Variants in HSDL1 observed in about 807,000 individuals in gnomAD.
The protein encoded by HSDL1 is inactive hydroxysteroid dehydrogenase-like protein 1.
A neutral mutation model predicts 31.5 loss-of-function variants in HSDL1; 29 were observed. The ratio of observed to expected loss-of-function variants is 0.92; its 90% CI spans 0.69 to 1.26. The LOEUF is 1.26. HSDL1 is among the 50% of genes most tolerant of loss of function. HSDL1 has a pLI of 0.00. For synonymous variants in HSDL1, 222 were observed against 155.2 expected (o/e 1.43, Z -3.20); for missense variants, 503 against 416.6 (o/e 1.21, Z -1.81).
chr16:84,124,318 T>C lies in HSDL1; in HGVS notation c.*312A>G. 1 of 184,636 alleles carries C rather than the reference T, an allele frequency of 5.4e-6. No individual in the cohort carries two copies. The highest frequency in any genetic ancestry group is 1.1e-5 in the Non-Finnish European group (1 of 87,662). The allele number at this position is 184,636 out of a possible 1,614,324, so 11.4% of individuals were successfully genotyped here. On this transcript the variant is annotated 3_prime_UTR_variant, in exon 6 of 6. Coordinates refer to ENST00000219439, the MANE Select transcript of HSDL1 (RefSeq NM_031463.5). ...AATTATAAGACCTGACAAATCATAT[T>C]ATATTTCAATATTAGACTGCTGTGG... is the stretch of plus-strand genomic sequence containing the variant.
chr16:84,142,437 T>TC (rs2086777248), intron 1 of HSDL1, among the ~76,000 whole-genome samples: 1 of 131,752 alleles, frequency 7.6e-6, no homozygotes, highest in Non-Finnish European at 1.6e-5. Context: ...CATCTTTTTT[T>TC]TTTTTTTTTT....
chr16:84,144,698 G>A (rs2086822460), intron 1 of HSDL1, among the ~76,000 whole-genome samples: 1 of 151,970 alleles, frequency 6.6e-6, no homozygotes, highest in Non-Finnish European at 1.5e-5. Flanking sequence ...TGCAGGGAGG[G>A]CAGGGCATGC....
chr16:84,127,771 T>C (rs2086623675), intron 5 of HSDL1, among the ~76,000 whole-genome samples: 1 of 144,794 alleles, frequency 6.9e-6, no homozygotes, highest in Non-Finnish European at 1.5e-5. Context: ...CAGGCTGGAG[T>C]GCAGTGGTGT....
rs958110897 is a variant in HSDL1, at chr16:84,130,130, T to C, written c.522A>G (p.Ile174Met). The change falls in exon 4 of 6, where the codon ATA becomes ATG. Residue 174 changes from isoleucine to methionine, a missense_variant. By Grantham distance (10) the Ile-to-Met change is conservative. Coordinates refer to ENST00000219439, the MANE Select transcript of HSDL1 (RefSeq NM_031463.5). Reference protein sequence around the residue: ...QLSEDKLWDIINVNIAAASLM... With the variant: ...QLSEDKLWDIMNVNIAAASLM... ...AACTAGCGGCGGCAATGTTCACATT[T>C]ATGATGTCCCAGAGCTTGTCCTCGG... is the stretch of plus-strand genomic sequence containing the variant. 3 of 1,614,074 alleles carry C rather than the reference T, an allele frequency of 1.9e-6. No homozygotes were observed. The highest frequency in any genetic ancestry group is 2.5e-6 in the Non-Finnish European group (3 of 1,180,054).
chr16:84,128,406 C>T (rs1018608628), intron 5 of HSDL1, among the ~76,000 whole-genome samples: 1 of 152,092 alleles, frequency 6.6e-6, no homozygotes, highest in Non-Finnish European at 1.5e-5. Context: ...ATCACAATTT[C>T]AAATATCTAA....
intron 1 of HSDL1, among the ~76,000 whole-genome samples, chr16:84,139,692 A>G (rs1325680738): frequency 1.3e-5 from 2 of 152,178 alleles, no homozygotes; most frequent in Non-Finnish European, 2.9e-5. Flanking sequence ...TTCAGCTTTC[A>G]GGACAGCGAA....
chr16:84,124,737 G>A lies in HSDL1; in HGVS notation c.895-9C>T. 6.2e-7 allele frequency: 1 copy of A among 1,601,240 alleles called. No homozygotes were observed. Among genetic ancestry groups the A allele is most frequent in the Non-Finnish European group, 8.6e-7 (1 of 1,168,702 alleles). On this transcript the variant is annotated splice_polypyrimidine_tract_variant and intron_variant, in intron 5 of 5. Coordinates refer to ENST00000219439, the MANE Select transcript of HSDL1 (RefSeq NM_031463.5). ...TACTGTGCAAAAAGAAACTAAAAAT[G>A]AAAGAGAAAAAGGTTGTAAGGTTAG... is the stretch of plus-strand genomic sequence containing the variant.
At chr16:84,134,160 C>T (rs765690559) in intron 2 of HSDL1, among the ~76,000 whole-genome samples, 1 of 152,078 alleles carries the variant, frequency 6.6e-6, no homozygotes, top group Non-Finnish European at 1.5e-5. Context: ...TCCAGATCTG[C>T]ATGAGAGGAA....
intron 3 of HSDL1, among the ~76,000 whole-genome samples, chr16:84,130,806 C>T (rs544056258): frequency 6.6e-6 from 1 of 152,222 alleles, no homozygotes; most frequent in East Asian, 1.9e-4. Context: ...AGTGGCAACA[C>T]TTTCAAGACA....
At position 84,122,727 on chromosome 16, in the gene HSDL1, A is replaced by G. The variant is rs2086566402; in HGVS notation, c.*1903T>C. The G allele has an allele frequency of 6.6e-6, 1 of 152,198 alleles. No homozygotes were observed. The allele number at this position is 152,198 out of a possible 1,614,324, so 9.4% of individuals were successfully genotyped here. ...TTTCAAATTAGCTCTGGGGAAAAAAATACATTTAATGAAAGCTAGAAAACC... is the reference window on the plus strand; with the variant it reads ...TTTCAAATTAGCTCTGGGGAAAAAAGTACATTTAATGAAAGCTAGAAAACC... On this transcript the variant is annotated 3_prime_UTR_variant, in exon 6 of 6. Transcript: ENST00000219439.
rs566689490 is a variant in HSDL1, at chr16:84,127,707, C to T, written c.894+1841G>A. Among the ~76,000 whole-genome samples, 37 of 148,532 alleles carry T rather than the reference C, an allele frequency of 2.5e-4. No homozygotes were observed. The East Asian group carries it at 6.0e-3, about 24-fold the overall frequency. ...AAAATTCGGACCAGGTACAGTGACT[C>T]ACACTGGTATTTTTTTTTTTTTTTT... is the stretch of plus-strand genomic sequence containing the variant. On this transcript the variant is annotated intron_variant, in intron 5 of 5. Transcript: ENST00000219439.
At position 84,123,576 on chromosome 16, in the gene HSDL1, C is replaced by T. The variant is rs1029575929; in HGVS notation, c.*1054G>A. On this transcript the variant is annotated 3_prime_UTR_variant, in exon 6 of 6. Transcript: ENST00000219439. ...ATTCATTACACAAACCAAGAATAAG[C>T]TTCTAACTTATATTGACAGATATGT... 4 of 152,444 alleles carry T rather than the reference C, an allele frequency of 2.6e-5. No individual in the cohort carries two copies. Among genetic ancestry groups the T allele is most frequent in the Non-Finnish European group, 4.4e-5 (3 of 68,046 alleles). The allele number at this position is 152,444 out of a possible 1,614,324, so 9.4% of individuals were successfully genotyped here. A position where few individuals can be genotyped will look rare whatever the true frequency, so the allele number is the denominator to read the frequency against.
Position 84,124,472 on chromosome 16 carries a change from C to T in HSDL1, c.*158G>A. ...CACACACCCTTAAGGTTTTTCACAG[C>T]ACTCTGACGGTATTATGTGTGTTTT... On this transcript the variant is annotated 3_prime_UTR_variant, in exon 6 of 6. Coordinates refer to ENST00000219439, the MANE Select transcript of HSDL1 (RefSeq NM_031463.5). The T allele has an allele frequency of 3.5e-6, 2 of 577,370 alleles. No homozygotes were observed. The highest frequency in any genetic ancestry group is 6.1e-5 in the East Asian group (2 of 32,696). 35.8% of individuals were successfully genotyped at this position (577,370 alleles called of 1,614,324 possible).
In HSDL1 at chr16:84,123,114, A is replaced by G. The variant is rs1164339375; in HGVS notation, c.*1516T>C. The G allele has an allele frequency of 1.3e-5, 2 of 151,958 alleles. No homozygotes were observed. Among genetic ancestry groups the G allele is most frequent in the African/African-American group, 4.8e-5 (2 of 41,406 alleles). 9.4% of individuals were successfully genotyped at this position (151,958 alleles called of 1,614,324 possible). ...CATCTCCCAGTGTGTAGATTTTCAC[A>G]TCTAAGTTCTGAAGACATGATCTAA... On this transcript the variant is annotated 3_prime_UTR_variant, in exon 6 of 6. Transcript: ENST00000219439.
At position 84,123,681 on chromosome 16, in the gene HSDL1, T is replaced by C. The variant is rs2086575978; in HGVS notation, c.*949A>G. ...CAATAATGCTACTGGAATGGAATAA[T>C]ATTACATAGAAAAACGTAGGAAAAC... On this transcript the variant is annotated 3_prime_UTR_variant, in exon 6 of 6. Transcript: ENST00000219439. 1 of 152,626 alleles carries C rather than the reference T, an allele frequency of 6.6e-6. No homozygotes were observed. The highest frequency in any genetic ancestry group is 2.4e-5 in the African/African-American group (1 of 41,456). The allele number at this position is 152,626 out of a possible 1,614,324, so 9.5% of individuals were successfully genotyped here.
intron 2 of HSDL1, among the ~76,000 whole-genome samples, chr16:84,132,248 G>C (rs1364308916): frequency 6.6e-6 from 1 of 152,214 alleles, no homozygotes; most frequent in Non-Finnish European, 1.5e-5. Flanking sequence ...AGCAAGAATG[G>C]AGGACCTACT....
rs535824840 is a variant in HSDL1 at position 84,131,853 on chromosome 16, G to T, written c.-6-526C>A. Among the ~76,000 whole-genome samples, 422 of 152,234 alleles carry T rather than the reference G, an allele frequency of 2.8e-3. 4 individuals are homozygous for T. The highest frequency in any genetic ancestry group is 9.9e-3 in the African/African-American group (410 of 41,546). On this transcript the variant is annotated intron_variant, in intron 2 of 5. Transcript: ENST00000219439. ...CGCCACCTCGCCCGGCTAATTTTTT[G>T]TATTTTTAGTAGAGACAGGGTTTCA...
At chr16:84,138,735 A>G (rs2086736539) in intron 1 of HSDL1, among the ~76,000 whole-genome samples, 1 of 152,246 alleles carries the variant, frequency 6.6e-6, no homozygotes, top group South Asian at 2.1e-4. Context: ...CTAGGAAAAG[A>G]AGAGCAAGTC....
chr16:84,132,598 G>A (rs1437892298), intron 2 of HSDL1, among the ~76,000 whole-genome samples: 2 of 152,152 alleles, frequency 1.3e-5, no homozygotes, highest in Non-Finnish European at 2.9e-5. Context: ...TGATTCAAAG[G>A]ATTCACAGAT....
Sources: gnomAD v4.1 joint callset for allele counts (sites outside exome capture counted in the v4.1 genomes callset) on GRCh38, gnomAD v4.1.1 for gene constraint, MANE v1.5 for transcripts, NCBI Gene and HGNC (gene_info 2026-07-23, HGNC 2026-07-21) for gene names.